The following TCF4 variants were observed in gnomAD, a reference collection of about 807,000 sequenced individuals.
The protein encoded by TCF4 is transcription factor 4.
A neutral mutation model predicts 82.1 loss-of-function variants in TCF4; 3 were observed. That is an observed-to-expected ratio of 0.04 (90% CI 0.02 to 0.09). The LOEUF is 0.09. Ranked by LOEUF, TCF4 falls within the 10% of genes least tolerant of loss-of-function variation. The pLI, the probability that TCF4 is intolerant of heterozygous loss-of-function variation, is 1.00. For synonymous variants in TCF4, 276 were observed against 309.6 expected (o/e 0.89, Z 1.14); for missense variants, 518 against 852.7 (o/e 0.61, Z 4.89).
At chr18:55,369,509 G>A (rs549626408) in intron 6 of TCF4, among the ~76,000 whole-genome samples, 8 of 152,276 alleles carry the variant, frequency 5.3e-5, no homozygotes, top group Admixed American at 5.2e-4. Context: ...AGAGGCGAAA[G>A]TGGCTGAGGT....
intron 3 of TCF4, among the ~76,000 whole-genome samples, chr18:55,472,565 A>G (rs932905195): frequency 6.6e-6 from 1 of 152,202 alleles, no homozygotes; most frequent in African/African-American, 2.4e-5. Context: ...AAGAGCCATG[A>G]ATAACTCAAG....
chr18:55,257,435 A>C (rs2145602464), intron 13 of TCF4, 44 bp from the exon 14 acceptor site: 1 of 1,589,200 alleles, frequency 6.3e-7, no homozygotes, highest in Non-Finnish European at 8.6e-7. Flanking sequence ...GACACATGTA[A>C]AAAGACGCTT....
At chr18:55,616,801 A>G (rs573291329) in intron 2 of TCF4, among the ~76,000 whole-genome samples, 1 of 151,980 alleles carries the variant, frequency 6.6e-6, no homozygotes, top group East Asian at 1.9e-4. Flanking sequence ...TTTTCTTGCT[A>G]TTGTGTTGCA....
At chr18:55,525,501 T>G (rs2096973169) in intron 3 of TCF4, among the ~76,000 whole-genome samples, 1 of 152,170 alleles carries the variant, frequency 6.6e-6, no homozygotes, top group African/African-American at 2.4e-5. Context: ...TCTTCTCCAG[T>G]ATAATCCTGC....
At chr18:55,468,767 T>C (rs1324046780) in intron 3 of TCF4, among the ~76,000 whole-genome samples, 1 of 151,922 alleles carries the variant, frequency 6.6e-6, no homozygotes, top group Non-Finnish European at 1.5e-5. Flanking sequence ...AGTGTTTACA[T>C]CTAGAGGTGA....
Position 55,608,328 on chromosome 18 carries a change from T to C in TCF4, c.287-21192A>G. Among the ~76,000 whole-genome samples the C allele has an allele frequency of 1.3e-5, 2 of 151,426 alleles. 1 individual carries two copies. Among genetic ancestry groups the C allele is most frequent in the East Asian group, 3.9e-4 (2 of 5,182 alleles). ...TCCCAATAGCTTTAAAGATTTATAATGCAGGGAGAAAATTAGACCGATCTA... is the reference window on the plus strand; with the variant it reads ...TCCCAATAGCTTTAAAGATTTATAACGCAGGGAGAAAATTAGACCGATCTA... On this transcript the variant is annotated intron_variant, in intron 2 of 20. Transcript: ENST00000398339.
intron 8 of TCF4, 155 bp from the exon 9 acceptor site, chr18:55,279,811 A>C: frequency 8.3e-7 from 1 of 1,199,484 alleles, no homozygotes; most frequent in Non-Finnish European, 1.1e-6. Context: ...TTCCGAACAC[A>C]CTAAAACAAA....
chr18:55,320,359 G>C (rs935944678), intron 8 of TCF4, among the ~76,000 whole-genome samples: 5 of 152,156 alleles, frequency 3.3e-5, no homozygotes, highest in Admixed American at 3.3e-4. Flanking sequence ...ATAGGATAGC[G>C]CTATGAACTT....
At chr18:55,634,299 A>T (rs181799872) in intron 1 of TCF4, among the ~76,000 whole-genome samples, 2 of 152,064 alleles carry the variant, frequency 1.3e-5, no homozygotes, top group African/African-American at 4.8e-5. Flanking sequence ...ACAAAAAAAA[A>T]AACTAGAATT....
intron 3 of TCF4, among the ~76,000 whole-genome samples, chr18:55,556,190 T>C (rs2097302589): frequency 6.6e-6 from 1 of 152,180 alleles, no homozygotes; most frequent in South Asian, 2.1e-4. Context: ...TTTATTCTCT[T>C]TGACTTTCAA....
At chr18:55,387,877 T>G (rs1381392739) in intron 6 of TCF4, among the ~76,000 whole-genome samples, 3 of 152,162 alleles carry the variant, frequency 2.0e-5, no homozygotes, top group Non-Finnish European at 4.4e-5. Context: ...AGAAAGCGGG[T>G]ACAAAGACAT....
intron 15 of TCF4, among the ~76,000 whole-genome samples, chr18:55,249,362 CT>C (rs2054299880): frequency 6.6e-6 from 1 of 152,122 alleles, no homozygotes; most frequent in African/African-American, 2.4e-5. Flanking sequence ...AAGAGGAAAA[CT>C]GGGCAAAGAT....
chr18:55,588,595 T>C (rs2097675112), upstream of TCF4: 3 of 1,515,248 alleles, frequency 2.0e-6, no homozygotes, highest in East Asian at 7.5e-5. Context: ...TTCTTTCTCT[T>C]ACTCTCGTTC....
In TCF4 at chr18:55,634,893, G is replaced by A. The variant is rs1286669786; in HGVS notation, c.195+810C>T. The stretch of plus-strand genomic sequence containing the variant: ...AGAACCAAAAATGATCCTGAAAATG[G>A]CAGCTAGATTGATAAAGGAAGTCGT... On this transcript the variant is annotated intron_variant, in intron 1 of 20. Coordinates refer to the TCF4 transcript ENST00000398339. 3.3e-5 allele frequency among the ~76,000 whole-genome samples: 5 copies of A among 152,332 alleles called. No homozygotes were observed. In the East Asian group the frequency reaches 9.6e-4, roughly 29 times the overall value.
intron 6 of TCF4, among the ~76,000 whole-genome samples, chr18:55,372,768 T>C (rs1257301825): frequency 6.6e-6 from 1 of 152,042 alleles, no homozygotes; most frequent in Non-Finnish European, 1.5e-5. Context: ...AGGAAACATA[T>C]CAACCTCAAC....
intron 8 of TCF4, among the ~76,000 whole-genome samples, chr18:55,346,691 T>C (rs1331102864): frequency 6.6e-6 from 1 of 152,214 alleles, no homozygotes; most frequent in Admixed American, 6.5e-5. Flanking sequence ...AGAAAGTTTG[T>C]AGTTGTTAAC....
At chr18:55,264,723 G>C (rs1052066179) in intron 11 of TCF4, 4 of 151,886 alleles carry the variant, frequency 2.6e-5, no homozygotes, top group African/African-American at 9.7e-5. Flanking sequence ...TATTAGAGAT[G>C]ATCAAAATGT....
chr18:55,615,891 T>C (rs1242871467), intron 2 of TCF4, among the ~76,000 whole-genome samples: 3 of 152,172 alleles, frequency 2.0e-5, no homozygotes, highest in Non-Finnish European at 4.4e-5. Context: ...TAATGTTGAA[T>C]TTGATATGCT....
At chr18:55,499,517 T>C (rs1467469438) in intron 3 of TCF4, among the ~76,000 whole-genome samples, 3 of 152,232 alleles carry the variant, frequency 2.0e-5, no homozygotes, top group South Asian at 2.1e-4. Context: ...TCCATCTGTT[T>C]ATGTAGGACA....
Sources: allele counts gnomAD v4.1 joint callset (sites outside exome capture counted in the v4.1 genomes callset), GRCh38; gene constraint gnomAD v4.1.1; transcripts MANE v1.5; gene names NCBI Gene and HGNC (gene_info 2026-07-23, HGNC 2026-07-21).